The following TMEM168 variants were observed in gnomAD, a reference collection of about 807,000 sequenced individuals.
TMEM168 encodes the protein transmembrane protein 168.
In TMEM168, 40 loss-of-function variants were observed where a neutral mutation model predicts 53.2. The ratio of observed to expected loss-of-function variants is 0.75; its 90% CI spans 0.58 to 0.98. The LOEUF (loss-of-function observed/expected upper bound fraction) is 0.98. TMEM168 is among the 50% of genes least tolerant of loss of function. The pLI is 0.00. For missense variants in TMEM168, 771 were observed against 828.8 expected (o/e 0.93, Z 0.86); for synonymous variants, 282 against 293.0 (o/e 0.96, Z 0.38).
rs983674960 is a variant in TMEM168, at chr7:112,778,878, A to C, written c.1129-3560T>G. ...TTACTACTTGCTTTTTATATTAAAAAATCTTAGAAACTGAGAATTTTATGC... is the reference window on the plus strand; with the variant it reads ...TTACTACTTGCTTTTTATATTAAAACATCTTAGAAACTGAGAATTTTATGC... On this transcript the variant is annotated intron_variant, in intron 2 of 4. Transcript: ENST00000312814. Among the ~76,000 whole-genome samples the C allele has an allele frequency of 3.9e-5, 6 of 152,150 alleles. No individual in the cohort carries two copies. In the South Asian group the frequency reaches 1.2e-3, roughly 32 times the overall value.
rs141515250 is a variant in TMEM168, at chr7:112,776,117, T to C, written c.1129-799A>G. Reference sequence around the variant, plus strand: ...TCTGTATTCTTTCTCTATTACTTTCTTTCTGTATAAGTTCTTAAGGAAATT... The same window carrying C: ...TCTGTATTCTTTCTCTATTACTTTCCTTCTGTATAAGTTCTTAAGGAAATT... On this transcript the variant is annotated intron_variant, in intron 2 of 4. Transcript: ENST00000312814. Among the ~76,000 whole-genome samples, 902 of 152,006 alleles carry C rather than the reference T, an allele frequency of 5.9e-3. 13 individuals carry two copies. Among genetic ancestry groups the C allele is most frequent in the African/African-American group, 0.021 (851 of 41,472 alleles).
intron 4 of TMEM168, among the ~76,000 whole-genome samples, chr7:112,772,244 C>A (rs921973488): frequency 7.9e-5 from 12 of 152,094 alleles, no homozygotes; most frequent in Non-Finnish European, 1.3e-4. Flanking sequence ...ACAATTACCC[C>A]CTTATTTTAC....
chr7:112,779,073 T>C (rs1584445799), intron 2 of TMEM168, among the ~76,000 whole-genome samples: 1 of 152,196 alleles, frequency 6.6e-6, no homozygotes, highest in African/African-American at 2.4e-5. Context: ...TTTATTTTTG[T>C]AGAGACAAGG....
rs921037298 is a variant in TMEM168 at position 112,762,983 on chromosome 7, T to G, written c.*4214A>C. The G allele has an allele frequency of 6.6e-6, 1 of 152,080 alleles. No individual in the cohort carries two copies. The highest frequency in any genetic ancestry group is 2.4e-5 in the African/African-American group (1 of 41,438). 9.4% of individuals were successfully genotyped at this position (152,080 alleles called of 1,614,324 possible). On this transcript the variant is annotated 3_prime_UTR_variant, in exon 5 of 5. Transcript: ENST00000312814. ...CCTTCCAATTTAGTTGTCACTGATA[T>G]GCATAGTCAAATTCCTTCTTTGTTC...
chr7:112,780,943 CAAAAAA>C (rs1222902089), intron 2 of TMEM168, among the ~76,000 whole-genome samples: 11 of 60,018 alleles, frequency 1.8e-4, no homozygotes, highest in African/African-American at 3.8e-4. Context: ...TGATCCGTAT[CAAAAAA>C]AAAAAAAAAA....
rs140362247 is a variant in TMEM168, at chr7:112,785,349, G to A, written c.-128-396C>T. Among the ~76,000 whole-genome samples, 21 of 152,300 alleles carry A rather than the reference G, an allele frequency of 1.4e-4. No individual in the cohort carries two copies. The East Asian group carries it at 3.1e-3, about 22-fold the overall frequency. ...CTTAAAGTGAATGAAGGACTTCATC[G>A]TTACCTCTAATTTGAAAAGCACTTG... On this transcript the variant is annotated intron_variant, in intron 1 of 4. Transcript: ENST00000312814.
chr7:112,783,920 T>C lies in TMEM168; in HGVS notation c.906A>G (p.Gly302=), dbSNP rs1312386785. The C allele has an allele frequency of 6.3e-7, 1 of 1,596,802 alleles. No individual in the cohort carries two copies. Among genetic ancestry groups the C allele is most frequent in the Non-Finnish European group, 8.5e-7 (1 of 1,175,640 alleles). Residue 302 remains glycine, a synonymous_variant, in exon 2 of 5, where the codon GGA becomes GGG. Transcript: ENST00000312814. ...YFVIPGFSIF[G]IFWMICHIIF... ...TAATATGACAAATCATCCAGAAAATTCCAAAAATGGAAAAGCCAGGTATTA... is the reference window on the plus strand; with the variant it reads ...TAATATGACAAATCATCCAGAAAATCCCAAAAATGGAAAAGCCAGGTATTA...
chr7:112,789,981 G>A (rs368520580), intron 1 of TMEM168, among the ~76,000 whole-genome samples, 179 bp downstream of exon 1: 1 of 152,180 alleles, frequency 6.6e-6, no homozygotes, highest in African/African-American at 2.4e-5. Context: ...TGCGAAATAC[G>A]GAGAGGCGCT....
intron 3 of TMEM168, among the ~76,000 whole-genome samples, chr7:112,774,652 C>G (rs541181766): frequency 2.0e-5 from 3 of 151,694 alleles, no homozygotes; most frequent in Admixed American, 2.0e-4. Flanking sequence ...CCTATCTCAG[C>G]TCACTGCAAC....
chr7:112,778,917 C>T (rs1793159382), intron 2 of TMEM168, among the ~76,000 whole-genome samples: 1 of 152,110 alleles, frequency 6.6e-6, no homozygotes, highest in Non-Finnish European at 1.5e-5. Context: ...TTGACAGGGT[C>T]TCACTCCGTC....
intron 1 of TMEM168, among the ~76,000 whole-genome samples, chr7:112,786,073 T>C (rs1793372485): frequency 1.3e-5 from 2 of 152,064 alleles, no homozygotes; most frequent in Admixed American, 1.3e-4. Context: ...CCAGGTGTGG[T>C]GGGAGGCATC....
chr7:112,774,379 T>A (rs1401371795), intron 3 of TMEM168, among the ~76,000 whole-genome samples: 1 of 149,140 alleles, frequency 6.7e-6, no homozygotes, highest in African/African-American at 2.5e-5. Context: ...TTTTTTTTTT[T>A]TTTTTTAGTG....
intron 2 of TMEM168, among the ~76,000 whole-genome samples, chr7:112,782,367 T>C (rs138965868): frequency 6.6e-6 from 1 of 152,256 alleles, no homozygotes; most frequent in Non-Finnish European, 1.5e-5. Context: ...AAAATATTCA[T>C]ATTTGGTTAA....
At chr7:112,774,089 A>G (rs1415600722) in intron 3 of TMEM168, among the ~76,000 whole-genome samples, 1 of 152,120 alleles carries the variant, frequency 6.6e-6, no homozygotes, top group African/African-American at 2.4e-5. Context: ...TTGGGAAAAA[A>G]CTTTACTTCC....
At chr7:112,786,941 C>A (rs774499832) in intron 1 of TMEM168, among the ~76,000 whole-genome samples, 1 of 152,176 alleles carries the variant, frequency 6.6e-6, no homozygotes, top group Non-Finnish European at 1.5e-5. Flanking sequence ...AGTCCACAAA[C>A]CCACCTCTAC....
At chr7:112,779,178 A>G (rs1793166712) in intron 2 of TMEM168, among the ~76,000 whole-genome samples, 1 of 152,208 alleles carries the variant, frequency 6.6e-6, no homozygotes, top group Admixed American at 6.5e-5. Flanking sequence ...AATGTGAGTC[A>G]TCATGCCTGG....
intron 2 of TMEM168, among the ~76,000 whole-genome samples, chr7:112,779,838 A>G (rs1224053803): frequency 6.6e-6 from 1 of 152,242 alleles, no homozygotes; most frequent in Non-Finnish European, 1.5e-5. Flanking sequence ...CATTTACATA[A>G]ACATATACGG....
At chr7:112,782,992 G>A (rs552692287) in intron 2 of TMEM168, among the ~76,000 whole-genome samples, 2 of 152,210 alleles carry the variant, frequency 1.3e-5, no homozygotes, top group African/African-American at 4.8e-5. Flanking sequence ...ACCCACTATA[G>A]TGCCTGGCAT....
intron 2 of TMEM168, among the ~76,000 whole-genome samples, chr7:112,777,886 C>CTGTGTGTGTGTGTG (rs71155068): frequency 4.8e-5 from 6 of 126,136 alleles, no homozygotes. Flanking sequence ...GCTCTTGGTG[C>CTGTGTGTGTGTGTG]TGTGTGTGTG....
Sources: allele counts gnomAD v4.1 joint callset (sites outside exome capture counted in the v4.1 genomes callset), GRCh38; gene constraint gnomAD v4.1.1; transcripts MANE v1.5; gene names NCBI Gene and HGNC (gene_info 2026-07-23, HGNC 2026-07-21).